The following CCSAP variants were observed in gnomAD, a reference collection of about 807,000 sequenced individuals.
The protein encoded by CCSAP is centriole, cilia and spindle-associated protein.
A neutral mutation model predicts 25.9 loss-of-function variants in CCSAP; 17 were observed. The observed-to-expected ratio is 0.66, with a 90% CI of 0.45 to 0.99. The LOEUF is 0.99. Among genes scored for constraint, CCSAP ranks in the 50% least tolerant of loss-of-function variants. The pLI is 0.00. For synonymous variants in CCSAP, 169 were observed against 157.1 expected, an observed-to-expected ratio of 1.08 and a Z score of -0.57; for missense variants, 339 against 367.8, an observed-to-expected ratio of 0.92 and a Z score of 0.64.
intron 2 of CCSAP, among the ~76,000 whole-genome samples, chr1:229,333,323 C>G (rs1179024175): frequency 6.6e-6 from 1 of 151,520 alleles, no homozygotes; most frequent in South Asian, 2.1e-4. Flanking sequence ...GTCCCAGCTA[C>G]TCCGGAGGCA....
intron 2 of CCSAP, among the ~76,000 whole-genome samples, chr1:229,330,509 A>G (rs776995008): frequency 8.5e-5 from 13 of 152,238 alleles, no homozygotes; most frequent in Non-Finnish European, 1.8e-4. Flanking sequence ...AAGAGTAAAA[A>G]AGAATAACCA....
At chr1:229,335,832 A>T (rs1324307880) in intron 2 of CCSAP, among the ~76,000 whole-genome samples, 1 of 152,184 alleles carries the variant, frequency 6.6e-6, no homozygotes, top group Non-Finnish European at 1.5e-5. Flanking sequence ...AAACCAGAGC[A>T]GCAGCAAAGG....
chr1:229,342,104 A>T lies in CCSAP; in HGVS notation c.362T>A (p.Leu121Gln), dbSNP rs1325160070. The T allele has an allele frequency of 2.2e-6, 3 of 1,354,264 alleles. No individual in the cohort carries two copies. The highest frequency in any genetic ancestry group is 3.0e-5 in the African/African-American group (2 of 66,392). 83.9% of individuals were successfully genotyped at this position (1,354,264 alleles called of 1,614,324 possible). A position where few individuals can be genotyped will look rare whatever the true frequency, so the allele number is the denominator to read the frequency against. Residue 121 changes from leucine (L) to glutamine (Q), a missense_variant, in exon 2 of 4, where the codon CTG becomes CAG. Coordinates refer to ENST00000284617, the MANE Select transcript of CCSAP (RefSeq NM_145257.5). The surrounding 1 kb of genome is among the most constrained non-coding windows in gnomAD (Gnocchi z 7.5). ...CTCCCCTCCGGGCCGGGTACCTGGC[A>T]GAGCCGCGTCCTCCGCGTCCTCGGC... is the stretch of plus-strand genomic sequence containing the variant. ...AEAEDAEDAA[L>Q]PALPVKDVED...
rs1295895808 is a variant in CCSAP at position 229,324,346 on chromosome 1, T to C, written c.*889A>G. On this transcript the variant is annotated 3_prime_UTR_variant, in exon 4 of 4. Coordinates refer to ENST00000284617, the MANE Select transcript of CCSAP (RefSeq NM_145257.5). The stretch of plus-strand genomic sequence containing the variant: ...AAGTTTGAAATGTCATTGCCAGCCA[T>C]TACAGAAGAGGCAAAAGTCCACAGT... 9 of 151,836 alleles carry C rather than the reference T, an allele frequency of 5.9e-5. No homozygotes were observed. The highest frequency in any genetic ancestry group is 5.9e-4 in the Admixed American group (9 of 15,196). 9.4% of individuals were successfully genotyped at this position (151,836 alleles called of 1,614,324 possible).
intron 2 of CCSAP, among the ~76,000 whole-genome samples, chr1:229,333,333 A>T (rs754320905): frequency 7.5e-4 from 111 of 148,808 alleles, no homozygotes; most frequent in Middle Eastern, 3.4e-3. Flanking sequence ...CTCCGGAGGC[A>T]GAGGCAGGAG....
chr1:229,342,532 G>T lies in CCSAP; in HGVS notation c.-48-19C>A, dbSNP rs996964756. 15 of 1,093,318 alleles carry T rather than the reference G, an allele frequency of 1.4e-5. No homozygotes were observed. The African/African-American group carries it at 1.9e-4, about 14-fold the overall frequency. 67.7% of individuals were successfully genotyped at this position (1,093,318 alleles called of 1,614,324 possible). On this transcript the variant is annotated intron_variant, in intron 1 of 3. Transcript: ENST00000284617. This position sits in a 1 kb window ranked among gnomAD's most constrained non-coding sequence, Gnocchi z 7.5. The stretch of plus-strand genomic sequence containing the variant: ...CCGCAGCCTACGGGACCCGGTACAC[G>T]ACACAGAGGCCGCCCCGCCCCTCCG...
chr1:229,340,119 T>TA (rs1330218561), intron 2 of CCSAP, among the ~76,000 whole-genome samples: 1 of 152,148 alleles, frequency 6.6e-6, no homozygotes, highest in African/African-American at 2.4e-5. Context: ...TCAGGGAAAG[T>TA]AAAAAATTTT....
chr1:229,338,860 A>G (rs1209705255), intron 2 of CCSAP, among the ~76,000 whole-genome samples: 1 of 152,146 alleles, frequency 6.6e-6, no homozygotes, highest in Non-Finnish European at 1.5e-5. Flanking sequence ...GAGGGAGGTA[A>G]GGGAGGGAAT....
intron 2 of CCSAP, among the ~76,000 whole-genome samples, chr1:229,339,920 A>C (rs1159063221): frequency 6.6e-6 from 1 of 152,144 alleles, no homozygotes; most frequent in African/African-American, 2.4e-5. Flanking sequence ...GAGCAGTAAA[A>C]AAGAATTAAA....
chr1:229,337,333 C>T (rs1316882124), intron 2 of CCSAP, among the ~76,000 whole-genome samples: 1 of 152,044 alleles, frequency 6.6e-6, no homozygotes, highest in Non-Finnish European at 1.5e-5. Context: ...CTTCTCAACA[C>T]TATGACCTGA....
In CCSAP at chr1:229,329,039, TCTC is replaced by T. The variant is rs776753451; in HGVS notation, c.368-2036_368-2034del. Among the ~76,000 whole-genome samples the T allele has an allele frequency of 3.0e-4, 46 of 152,194 alleles. 1 individual carries two copies. Among genetic ancestry groups the T allele is most frequent in the Non-Finnish European group, 1.8e-4 (12 of 68,032 alleles). The stretch of plus-strand genomic sequence containing the variant: ...ATCTGAGTGATGTGTCCACACGCTT[TCTC>T]CTCCTCTTCCCTGGTGTTTAAGAAG... On this transcript the variant is annotated intron_variant, in intron 2 of 3. Transcript: ENST00000284617.
At chr1:229,337,696 T>TATAA (rs1658225865) in intron 2 of CCSAP, among the ~76,000 whole-genome samples, 1 of 56,330 alleles carries the variant, frequency 1.8e-5, no homozygotes, top group Non-Finnish European at 3.9e-5. Flanking sequence ...TATATATATA[T>TATAA]ATACACATAC....
At chr1:229,335,831 C>T (rs538051872) in intron 2 of CCSAP, among the ~76,000 whole-genome samples, 1 of 152,100 alleles carries the variant, frequency 6.6e-6, no homozygotes, top group South Asian at 2.1e-4. Flanking sequence ...GAAACCAGAG[C>T]AGCAGCAAAG....
chr1:229,339,444 T>C (rs1658278751), intron 2 of CCSAP, among the ~76,000 whole-genome samples: 1 of 152,176 alleles, frequency 6.6e-6, no homozygotes, highest in Admixed American at 6.5e-5. Flanking sequence ...AGAATAAAGC[T>C]ATCTCTTGGC....
Position 229,342,762 on chromosome 1 carries a change from C to A in CCSAP, c.-49+150G>T. On this transcript the variant is annotated intron_variant, in intron 1 of 3. Coordinates refer to ENST00000284617, the MANE Select transcript of CCSAP (RefSeq NM_145257.5). The surrounding 1 kb of genome is among the most constrained non-coding windows in gnomAD (Gnocchi z 7.5). ...GCTCAGTGGGCGGAAGGCAGGGAGG[C>A]TGCGGGCTGGGGCGAGGGGACCGCA... 1 of 239,436 alleles carries A rather than the reference C, an allele frequency of 4.2e-6. No homozygotes were observed. Among genetic ancestry groups the A allele is most frequent in the Non-Finnish European group, 8.0e-6 (1 of 125,186 alleles). The allele number at this position is 239,436 out of a possible 1,614,324, so 14.8% of individuals were successfully genotyped here. A position where few individuals can be genotyped will look rare whatever the true frequency, so the allele number is the denominator to read the frequency against.
intron 2 of CCSAP, among the ~76,000 whole-genome samples, chr1:229,330,121 AGACT>A (rs1203833097): frequency 6.6e-6 from 1 of 151,896 alleles, no homozygotes; most frequent in African/African-American, 2.4e-5. Flanking sequence ...ACACTGCATC[AGACT>A]GACAGGTGGA....
In CCSAP at chr1:229,342,606, G is replaced by A. The variant is rs1658367168; in HGVS notation, c.-48-93C>T. ...TAAACCCGGAGCCCCGCCCGGACGG[G>A]AGCAGGGGGCGGGTCCCGGCGAGGG... On this transcript the variant is annotated intron_variant, in intron 1 of 3. Transcript: ENST00000284617. The surrounding 1 kb of genome is among the most constrained non-coding windows in gnomAD (Gnocchi z 7.5). 1 of 518,772 alleles carries A rather than the reference G, an allele frequency of 1.9e-6. No homozygotes were observed. The highest frequency in any genetic ancestry group is 2.9e-6 in the Non-Finnish European group (1 of 340,130). The allele number at this position is 518,772 out of a possible 1,614,324, so 32.1% of individuals were successfully genotyped here. A position where few individuals can be genotyped will look rare whatever the true frequency, so the allele number is the denominator to read the frequency against.
chr1:229,333,243 T>TA (rs1658114548), intron 2 of CCSAP, among the ~76,000 whole-genome samples: 2 of 151,500 alleles, frequency 1.3e-5, no homozygotes, highest in South Asian at 4.2e-4. Context: ...CCATCCTGGG[T>TA]AACACGGTGA....
chr1:229,330,968 A>G (rs944095006), intron 2 of CCSAP, among the ~76,000 whole-genome samples: 1 of 152,060 alleles, frequency 6.6e-6, no homozygotes, highest in Non-Finnish European at 1.5e-5. Flanking sequence ...GGGTGGGGGA[A>G]CCAGACCCCA....
Sources: gnomAD v4.1 joint callset for allele counts (sites outside exome capture counted in the v4.1 genomes callset) on GRCh38, gnomAD v4.1.1 for gene constraint, Gnocchi (gnomAD v3.1) non-coding constraint, MANE v1.5 for transcripts, NCBI Gene and HGNC (gene_info 2026-07-23, HGNC 2026-07-21) for gene names.